Variants in LTBP1 observed in about 807,000 individuals in gnomAD.
LTBP1 encodes latent transforming growth factor beta binding protein 1, also known as latent-transforming growth factor beta-binding protein 1.
LTBP1 carries 129 observed loss-of-function variants against 207.6 expected under a neutral mutation model. The observed-to-expected ratio is 0.62, with a 90% CI of 0.54 to 0.72. LTBP1 has a LOEUF of 0.72. Among genes scored for constraint, LTBP1 ranks in the 30% least tolerant of loss-of-function variants. The pLI is 0.00. For synonymous variants in LTBP1, 963 were observed against 833.7 expected (o/e 1.16, Z -2.67); for missense variants, 2,281 against 2,217.2 (o/e 1.03, Z -0.58).
intron 3 of LTBP1, among the ~76,000 whole-genome samples, chr2:33,046,387 G>A (rs6706324): frequency 0.095 from 14,397 of 152,074 alleles, 908 homozygotes; most frequent in Non-Finnish European, 0.14. Context: ...GGTTTTTGTC[G>A]TTGGTTCTGT....
intron 5 of LTBP1, among the ~76,000 whole-genome samples, chr2:33,179,466 C>T (rs902033986): frequency 2.0e-5 from 3 of 150,828 alleles, no homozygotes; most frequent in African/African-American, 7.3e-5. Flanking sequence ...AAAAAAAAAA[C>T]CAAAGAGATG....
At chr2:33,116,816 C>CA (rs1467700090) in intron 4 of LTBP1, among the ~76,000 whole-genome samples, 1 of 151,468 alleles carries the variant, frequency 6.6e-6, no homozygotes, top group East Asian at 1.9e-4. Flanking sequence ...AAAGTGAGGT[C>CA]AAGCCCACTT....
chr2:33,182,193 G>A lies in LTBP1; in HGVS notation c.1202-4663G>A, dbSNP rs369475674. ...AGACACAGGGTTGTTGGAGTTTAGGGATTATTGCTGTATCCACGTATGCTG... is the reference window on the plus strand; with the variant it reads ...AGACACAGGGTTGTTGGAGTTTAGGAATTATTGCTGTATCCACGTATGCTG... On this transcript the variant is annotated intron_variant, in intron 5 of 33. Transcript: ENST00000404816. 1.4e-3 allele frequency among the ~76,000 whole-genome samples: 209 copies of A among 152,182 alleles called. 1 individual carries two copies. The highest frequency in any genetic ancestry group is 0.014 in the Middle Eastern group (4 of 294).
In LTBP1 at chr2:33,145,515, T is replaced by C. The variant is rs1198866584; in HGVS notation, c.1201+10555T>C. ...TCTCCTGGCAAGTTAGGAAGTATCC[T>C]AGAGCATTCTTAGCTAAAGTCTTAT... On this transcript the variant is annotated intron_variant, in intron 5 of 33. Transcript: ENST00000404816. Among the ~76,000 whole-genome samples the C allele has an allele frequency of 3.9e-5, 6 of 152,340 alleles. No homozygotes were observed. In the South Asian group the frequency reaches 8.3e-4, roughly 21 times the overall value.
intron 5 of LTBP1, among the ~76,000 whole-genome samples, chr2:33,173,009 G>T (rs1051581698): frequency 7.2e-5 from 11 of 152,076 alleles, no homozygotes; most frequent in African/African-American, 2.7e-4. Context: ...AAAGCAGTGT[G>T]TAGAGGGAAA....
At chr2:33,343,251 TAA>T (rs968575226) in intron 25 of LTBP1, among the ~76,000 whole-genome samples, 1 of 150,014 alleles carries the variant, frequency 6.7e-6, no homozygotes. Context: ...ATAAAAATTT[TAA>T]AAAAAAAATT....
chr2:33,382,812 T>G lies in LTBP1; in HGVS notation c.4712-6372T>G, dbSNP rs187834190. Among the ~76,000 whole-genome samples, 7 of 152,320 alleles carry G rather than the reference T, an allele frequency of 4.6e-5. No individual in the cohort carries two copies. The East Asian group carries it at 1.4e-3, about 29-fold the overall frequency. ...CAGGTGTTTGCAGTGTATCCAGTTT[T>G]GCATCACAACACCACATATTTTAGT... On this transcript the variant is annotated intron_variant, in intron 31 of 33. Coordinates refer to ENST00000404816, the MANE Select transcript of LTBP1 (RefSeq NM_206943.4).
chr2:33,040,303 G>A (rs115280954), intron 3 of LTBP1, among the ~76,000 whole-genome samples: 2,612 of 152,318 alleles, frequency 0.017, 27 homozygotes, highest in African/African-American at 0.031. Flanking sequence ...TCAAGCTCCT[G>A]AGAGCGCTGT....
rs1167725147 is a variant in LTBP1 at position 33,364,346 on chromosome 2, T to A, written c.4530T>A (p.Ala1510=). 1 of 1,613,272 alleles carries A rather than the reference T, an allele frequency of 6.2e-7. No homozygotes were observed. Among genetic ancestry groups the A allele is most frequent in the African/African-American group, 1.3e-5 (1 of 74,984 alleles). ...CAGAAAAAAGATGTATACGACCGGCTGAGTCAAACGGTATGTTTCCAGGAG... is the reference window on the plus strand; with the variant it reads ...CAGAAAAAAGATGTATACGACCGGCAGAGTCAAACGGTATGTTTCCAGGAG... ...DASEKRCIRP[A]ESNEQIEETD... is the part of the protein sequence containing the mutation. Residue 1510 remains alanine (A), a synonymous_variant, in exon 30 of 34, where the codon GCT becomes GCA. Coordinates refer to ENST00000404816, the MANE Select transcript of LTBP1 (RefSeq NM_206943.4).
chr2:32,996,362 A>G (rs1685270836), intron 2 of LTBP1, among the ~76,000 whole-genome samples: 1 of 152,146 alleles, frequency 6.6e-6, no homozygotes, highest in African/African-American at 2.4e-5. Flanking sequence ...TAAGGGCTTC[A>G]TCCTTATGAC....
Position 32,973,107 on chromosome 2 carries a change from C to G in LTBP1, c.565+24162C>G, listed in dbSNP as rs565262251. ...TGCCATGTGAAGATGAAAAGAATGT[C>G]TATTCTGTTTTTTTTGTTGTTGAGA... On this transcript the variant is annotated intron_variant, in intron 2 of 33. Transcript: ENST00000404816. 4.4e-3 allele frequency among the ~76,000 whole-genome samples: 594 copies of G among 136,458 alleles called. 5 individuals are homozygous for G. The highest frequency in any genetic ancestry group is 0.014 in the African/African-American group (556 of 39,228). The allele number at this position is 136,458 out of a possible 152,430, so 89.5% of individuals were successfully genotyped here.
chr2:32,956,135 G>C (rs1206663191), intron 2 of LTBP1, among the ~76,000 whole-genome samples: 1 of 152,188 alleles, frequency 6.6e-6, no homozygotes, highest in Non-Finnish European at 1.5e-5. Flanking sequence ...CTTTTTGCTA[G>C]TGGAAGGTCT....
At chr2:33,180,348 A>G (rs1324183808) in intron 5 of LTBP1, among the ~76,000 whole-genome samples, 1 of 152,182 alleles carries the variant, frequency 6.6e-6, no homozygotes, top group Non-Finnish European at 1.5e-5. Context: ...TAGCTTTAGA[A>G]GAAGGTAACT....
intron 2 of LTBP1, among the ~76,000 whole-genome samples, chr2:33,016,990 C>G (rs1688472205): frequency 6.6e-6 from 1 of 152,162 alleles, no homozygotes; most frequent in Non-Finnish European, 1.5e-5. Context: ...GCACTCCAGC[C>G]TGGGTGACAG....
intron 10 of LTBP1, among the ~76,000 whole-genome samples, chr2:33,244,793 G>A (rs1015773842): frequency 6.6e-6 from 1 of 152,150 alleles, no homozygotes. Context: ...TGGCTGCATG[G>A]CAGAAAACTA....
At chr2:33,364,142 T>G in intron 29 of LTBP1, 74 bp from the exon 30 acceptor site, 1 of 1,438,884 alleles carries the variant, frequency 6.9e-7, no homozygotes, top group Non-Finnish European at 9.5e-7. Context: ...TATAGCAATG[T>G]GTAAAGTTTG....
At chr2:33,045,247 G>A (rs1226405973) in intron 3 of LTBP1, among the ~76,000 whole-genome samples, 2 of 152,100 alleles carry the variant, frequency 1.3e-5, no homozygotes, top group Admixed American at 6.5e-5. Context: ...ATGGTTTTAG[G>A]TCTTACATTT....
At chr2:33,321,242 C>G (rs2094349583) in intron 24 of LTBP1, among the ~76,000 whole-genome samples, 1 of 152,286 alleles carries the variant, frequency 6.6e-6, no homozygotes, top group Admixed American at 6.5e-5. Flanking sequence ...ATTCAGGAAT[C>G]AAGTCCTATT....
At chr2:33,057,710 C>T (rs558981103) in intron 3 of LTBP1, among the ~76,000 whole-genome samples, 8 of 152,342 alleles carry the variant, frequency 5.3e-5, no homozygotes, top group Admixed American at 6.5e-5. Flanking sequence ...CACGGCTGGC[C>T]GGCAGCTCTG....
Sources: gnomAD v4.1 joint callset for allele counts (sites outside exome capture counted in the v4.1 genomes callset) on GRCh38, gnomAD v4.1.1 for gene constraint, MANE v1.5 for transcripts, NCBI Gene and HGNC (gene_info 2026-07-23, HGNC 2026-07-21) for gene names.